RP1: variants seen among roughly 807,000 people sequenced by gnomAD.
RP1 encodes oxygen-regulated protein 1.
In RP1, 16 loss-of-function variants were observed where a neutral mutation model predicts 14.8. The observed-to-expected ratio is 1.08, with a 90% CI of 0.73 to 1.65. The LOEUF (loss-of-function observed/expected upper bound fraction) is 1.65, where lower values mean the gene tolerates loss of function less well. Among genes scored for constraint, RP1 ranks in the 40% most tolerant of loss-of-function variants. The pLI, the probability that RP1 is intolerant of heterozygous loss-of-function variation, is 0.00. For missense variants in RP1, 2,631 were observed against 2,535.0 expected (o/e 1.04, Z -0.81); for synonymous variants, 876 against 883.6 (o/e 0.99, Z 0.15).
intron 1 of RP1, among the ~76,000 whole-genome samples, chr8:54,607,712 A>C (rs1414762091): frequency 6.6e-6 from 1 of 152,072 alleles, no homozygotes; most frequent in Non-Finnish European, 1.5e-5. Flanking sequence ...GTTCCTGGCC[A>C]CTTTGTTTAC....
At chr8:54,624,637 T>C in intron 3 of RP1, 33 bp from the exon 4 acceptor site, 3 of 1,610,338 alleles carry the variant, frequency 1.9e-6, no homozygotes, top group South Asian at 1.1e-5. Flanking sequence ...TATATTTTGA[T>C]GTGGGCACCT....
intron 19 of RP1, among the ~76,000 whole-genome samples, chr8:54,743,664 T>A (rs942814321): frequency 6.6e-6 from 1 of 152,212 alleles, no homozygotes; most frequent in Non-Finnish European, 1.5e-5. Flanking sequence ...CTACGAGGAC[T>A]TCTTTACTTT....
At chr8:54,839,471 A>C (rs559144337) in intron 25 of RP1, among the ~76,000 whole-genome samples, 15 of 152,292 alleles carry the variant, frequency 9.8e-5, no homozygotes, top group African/African-American at 3.4e-4. Context: ...TGTTCTTTAG[A>C]AGTCGTTCTG....
At chr8:54,713,447 T>C (rs925518794) in intron 15 of RP1, among the ~76,000 whole-genome samples, 2 of 152,120 alleles carry the variant, frequency 1.3e-5, no homozygotes, top group East Asian at 3.9e-4. Context: ...TAAGCTCAAG[T>C]GTGATCACTG....
chr8:54,619,319 C>T (rs560400122), intron 1 of RP1, among the ~76,000 whole-genome samples: 1 of 152,256 alleles, frequency 6.6e-6, no homozygotes, highest in East Asian at 1.9e-4. Context: ...AGCTTGCAAA[C>T]ATTTAAGTAG....
intron 5 of RP1, among the ~76,000 whole-genome samples, chr8:54,653,979 G>T (rs2129326691): frequency 6.6e-6 from 1 of 152,206 alleles, no homozygotes; most frequent in East Asian, 1.9e-4. Context: ...AAAAAATTTT[G>T]TATTATAGAG....
At chr8:54,683,040 A>G (rs569389710) in intron 12 of RP1, among the ~76,000 whole-genome samples, 11 of 152,274 alleles carry the variant, frequency 7.2e-5, no homozygotes, top group Non-Finnish European at 1.3e-4. Flanking sequence ...TCCCAACACC[A>G]TTTGTTAAAT....
chr8:54,633,710 C>CCTCTCTCTCTCTCT (rs3077384), downstream of RP1, among the ~76,000 whole-genome samples: 7 of 118,514 alleles, frequency 5.9e-5, no homozygotes, highest in African/African-American at 1.6e-4. Context: ...TTATTTTGTG[C>CCTCTCTCTCTCTCT]CTCTCTCTCT....
At chr8:54,811,139 C>G (rs1810984428) in intron 24 of RP1, among the ~76,000 whole-genome samples, 1 of 152,186 alleles carries the variant, frequency 6.6e-6, no homozygotes, top group African/African-American at 2.4e-5. Flanking sequence ...GGAGAAGCCC[C>G]TGATCTTGAA....
chr8:54,737,094 T>C (rs1227737484), intron 18 of RP1, among the ~76,000 whole-genome samples: 1 of 152,180 alleles, frequency 6.6e-6, no homozygotes, highest in East Asian at 1.9e-4. Flanking sequence ...GAGGACAATG[T>C]GGGATATTTT....
rs189963563 is a variant in RP1, at chr8:54,822,096, G to A, written c.3616-15354G>A. 2.2e-3 allele frequency among the ~76,000 whole-genome samples: 328 copies of A among 152,306 alleles called. 2 individuals carry two copies. The highest frequency in any genetic ancestry group is 5.5e-3 in the African/African-American group (229 of 41,560). On this transcript the variant is annotated intron_variant, in intron 24 of 28. Transcript: ENST00000637698. ...CATGCATTAGTAATTATATTTGAAA[G>A]AGAAAAGTGAATATAAAGTGTACAA...
intron 12 of RP1, chr8:54,680,024 T>C (rs1450854545): frequency 6.3e-6 from 9 of 1,435,464 alleles, no homozygotes; most frequent in Non-Finnish European, 8.2e-6. Flanking sequence ...TATAGTTTTG[T>C]TCTTTTTACA....
At chr8:54,784,025 C>T (rs1810255883) in intron 24 of RP1, among the ~76,000 whole-genome samples, 1 of 152,054 alleles carries the variant, frequency 6.6e-6, no homozygotes, top group South Asian at 2.1e-4. Context: ...CATTTTTGAA[C>T]ATCTGTCTCA....
At chr8:54,869,851 A>T in exon 29 of RP1, 1 of 1,228,206 alleles carries the variant, frequency 8.1e-7, no homozygotes, top group Non-Finnish European at 1.0e-6. Flanking sequence ...AGATGGCTAG[A>T]TGAGTACCAA....
At chr8:54,652,165 G>A (rs574330834) in intron 4 of RP1, among the ~76,000 whole-genome samples, 1 of 152,044 alleles carries the variant, frequency 6.6e-6, no homozygotes, top group Non-Finnish European at 1.5e-5. Context: ...CTGCCAACAC[G>A]CCCAGCTAAT....
At chr8:54,710,400 G>A (rs1808267499) in intron 15 of RP1, among the ~76,000 whole-genome samples, 1 of 152,194 alleles carries the variant, frequency 6.6e-6, no homozygotes, top group South Asian at 2.1e-4. Context: ...GGTCCCAGAA[G>A]GGGTGTGTTA....
At chr8:54,568,692 G>A (rs922884124) in intron 1 of RP1, among the ~76,000 whole-genome samples, 2 of 152,242 alleles carry the variant, frequency 1.3e-5, no homozygotes, top group Non-Finnish European at 2.9e-5. Flanking sequence ...ATGCTTTCAA[G>A]TTCCCTAGTA....
chr8:54,635,582 T>C (rs1313262561), downstream of RP1, among the ~76,000 whole-genome samples: 1 of 152,232 alleles, frequency 6.6e-6, no homozygotes, highest in Non-Finnish European at 1.5e-5. Context: ...TTAATGTAGT[T>C]GCTGCCTCAG....
chr8:54,714,355 T>A (rs1808354830), intron 15 of RP1, among the ~76,000 whole-genome samples: 1 of 151,544 alleles, frequency 6.6e-6, no homozygotes, highest in Non-Finnish European at 1.5e-5. Flanking sequence ...GGCTCAGGAG[T>A]CATGCAGCCA....
Sources: allele counts gnomAD v4.1 joint callset (sites outside exome capture counted in the v4.1 genomes callset), GRCh38; gene constraint gnomAD v4.1.1; transcripts MANE v1.5; gene names NCBI Gene and HGNC (gene_info 2026-07-23, HGNC 2026-07-21).